LSAMP: variants seen among roughly 807,000 people sequenced by gnomAD.
LSAMP encodes the protein limbic system-associated membrane protein.
LSAMP carries 7 observed loss-of-function variants against 38.6 expected under a neutral mutation model. The observed-to-expected ratio is 0.18, with a 90% confidence interval of 0.10 to 0.34. LSAMP has a LOEUF of 0.34. Among genes scored for constraint, LSAMP ranks in the 10% least tolerant of loss-of-function variants. The pLI is 1.00. For synonymous variants in LSAMP, 154 were observed against 166.8 expected (o/e 0.92, Z 0.59); for missense variants, 313 against 420.0 (o/e 0.75, Z 2.23).
At chr3:116,166,124 A>C (rs1007099145) in intron 1 of LSAMP, among the ~76,000 whole-genome samples, 2 of 152,238 alleles carry the variant, frequency 1.3e-5, no homozygotes, top group African/African-American at 4.8e-5. Context: ...GCTCAATTAC[A>C]TGCTGAATCA....
intron 1 of LSAMP, among the ~76,000 whole-genome samples, chr3:116,198,649 T>C (rs1412011905): frequency 2.0e-5 from 3 of 151,842 alleles, no homozygotes; most frequent in African/African-American, 7.3e-5. Context: ...CGGGCAGCTG[T>C]AGTCCCTGCT....
chr3:115,835,897 C>G (rs963045392), intron 6 of LSAMP, among the ~76,000 whole-genome samples: 1 of 152,164 alleles, frequency 6.6e-6, no homozygotes, highest in African/African-American at 2.4e-5. Context: ...ATGGTTTAAG[C>G]CTCCACTGGT....
chr3:115,886,120 G>T (rs1936447250), intron 3 of LSAMP, among the ~76,000 whole-genome samples: 1 of 151,920 alleles, frequency 6.6e-6, no homozygotes, highest in South Asian at 2.1e-4. Context: ...GAAAGAACTT[G>T]CCCTTCCTCT....
At chr3:116,242,754 G>T (rs2046554209) in intron 1 of LSAMP, among the ~76,000 whole-genome samples, 2 of 148,636 alleles carry the variant, frequency 1.3e-5, no homozygotes, top group African/African-American at 2.5e-5. Flanking sequence ...TCTAACTTGA[G>T]TTTTAACATT....
At chr3:116,025,147 AGT>A (rs1269412347) in intron 2 of LSAMP, among the ~76,000 whole-genome samples, 1 of 152,080 alleles carries the variant, frequency 6.6e-6, no homozygotes, top group African/African-American at 2.4e-5. Flanking sequence ...TACTCTGTGT[AGT>A]GTTTTCTTTT....
intron 6 of LSAMP, among the ~76,000 whole-genome samples, chr3:115,815,047 A>T (rs1207696366): frequency 6.6e-6 from 1 of 152,198 alleles, no homozygotes; most frequent in Non-Finnish European, 1.5e-5. Context: ...GGAGCAAATT[A>T]GAGGAGGGGA....
intron 3 of LSAMP, among the ~76,000 whole-genome samples, chr3:115,906,409 A>C (rs1479004415): frequency 6.6e-6 from 1 of 152,142 alleles, no homozygotes; most frequent in Non-Finnish European, 1.5e-5. Context: ...TAAATGAATC[A>C]GATATTGTCT....
chr3:115,829,866 G>A (rs762821276), intron 6 of LSAMP, among the ~76,000 whole-genome samples: 3 of 152,084 alleles, frequency 2.0e-5, no homozygotes, highest in Non-Finnish European at 1.5e-5. Context: ...AGAATACATT[G>A]AACTTATATC....
At chr3:115,997,068 G>A (rs796922194) in intron 3 of LSAMP, among the ~76,000 whole-genome samples, 9 of 152,142 alleles carry the variant, frequency 5.9e-5, no homozygotes, top group Admixed American at 5.9e-4. Context: ...GACCTTACAT[G>A]CCAGTGTGTA....
intron 3 of LSAMP, among the ~76,000 whole-genome samples, chr3:115,868,901 T>G (rs947461833): frequency 2.6e-5 from 4 of 152,072 alleles, no homozygotes; most frequent in Non-Finnish European, 4.4e-5. Context: ...GTAAAAAAAC[T>G]AAGAATATTT....
intron 3 of LSAMP, among the ~76,000 whole-genome samples, chr3:115,926,953 CTT>C (rs1454133425): frequency 1.3e-5 from 2 of 152,138 alleles, no homozygotes; most frequent in Non-Finnish European, 2.9e-5. Context: ...AGCACAGTAA[CTT>C]TGTCTTATTC....
intron 3 of LSAMP, among the ~76,000 whole-genome samples, chr3:115,906,067 A>G (rs1937000449): frequency 6.6e-6 from 1 of 152,126 alleles, no homozygotes; most frequent in Non-Finnish European, 1.5e-5. Flanking sequence ...ACCTTATGGA[A>G]AGCAATTAGA....
intron 2 of LSAMP, among the ~76,000 whole-genome samples, chr3:116,079,987 T>C (rs1225368317): frequency 6.6e-6 from 1 of 152,172 alleles, no homozygotes; most frequent in African/African-American, 2.4e-5. Context: ...TTTGAAAGGG[T>C]AGATATCCTT....
At chr3:116,136,660 C>T (rs565668208) in intron 1 of LSAMP, among the ~76,000 whole-genome samples, 14 of 152,156 alleles carry the variant, frequency 9.2e-5, no homozygotes, top group African/African-American at 3.1e-4. Context: ...TGGTATCACC[C>T]CTTCTTATCC....
At chr3:115,874,263 C>G (rs1936125150) in intron 3 of LSAMP, among the ~76,000 whole-genome samples, 1 of 152,062 alleles carries the variant, frequency 6.6e-6, no homozygotes, top group African/African-American at 2.4e-5. Flanking sequence ...TCTCCTCAGT[C>G]TTTGGGAACC....
At chr3:115,825,242 C>T (rs1934370232) in intron 6 of LSAMP, among the ~76,000 whole-genome samples, 1 of 152,152 alleles carries the variant, frequency 6.6e-6, no homozygotes, top group Non-Finnish European at 1.5e-5. Context: ...CTTGGACCTA[C>T]CTCTATTGCA....
At chr3:116,431,110 T>G (rs2049274602) in intron 1 of LSAMP, among the ~76,000 whole-genome samples, 1 of 152,062 alleles carries the variant, frequency 6.6e-6, no homozygotes, top group African/African-American at 2.4e-5. Context: ...GATGGAAAAT[T>G]TGCTTCCTAT....
At chr3:115,935,368 A>G (rs779856214) in intron 3 of LSAMP, among the ~76,000 whole-genome samples, 34 of 152,232 alleles carry the variant, frequency 2.2e-4, no homozygotes, top group Middle Eastern at 6.8e-3. Flanking sequence ...GGGGGGATAA[A>G]GAGGCTCTTG....
chr3:116,299,409 C>G (rs2047377472), intron 1 of LSAMP, among the ~76,000 whole-genome samples: 1 of 152,240 alleles, frequency 6.6e-6, no homozygotes. Context: ...AACATGGTCA[C>G]TCTTTCAATA....
Sources: gnomAD v4.1 joint callset for allele counts (sites outside exome capture counted in the v4.1 genomes callset) on GRCh38, gnomAD v4.1.1 for gene constraint, MANE v1.5 for transcripts, NCBI Gene and HGNC (gene_info 2026-07-23, HGNC 2026-07-21) for gene names.